Variants in OR10H5 observed in about 807,000 individuals in gnomAD.
OR10H5 encodes olfactory receptor family 10 subfamily H member 5.
Under a neutral mutation model 12.2 loss-of-function variants are expected in OR10H5, and 7 were observed. The ratio of observed to expected loss-of-function variants is 0.57; its 90% confidence interval spans 0.33 to 1.07. The LOEUF is 1.07. OR10H5 is among the 50% of genes least tolerant of loss of function. The pLI is 0.04. For missense variants in OR10H5, 346 were observed against 411.6 expected (o/e 0.84, Z 1.38); for synonymous variants, 159 against 175.1 (o/e 0.91, Z 0.73).
intron 1 of OR10H5, among the ~76,000 whole-genome samples, chr19:15,788,561 C>T (rs137898194): frequency 4.6e-5 from 7 of 152,200 alleles, no homozygotes; most frequent in South Asian, 2.1e-4. Context: ...TGCAGTGGCA[C>T]GATCACAGCT....
chr19:15,792,024 C>T (rs2088811745), intron 1 of OR10H5, among the ~76,000 whole-genome samples: 1 of 19,850 alleles, frequency 5.0e-5, no homozygotes, highest in African/African-American at 1.7e-4. Context: ...GACACTTGGT[C>T]TCAAAAAAAA....
intron 1 of OR10H5, among the ~76,000 whole-genome samples, chr19:15,791,971 G>A (rs2088811500): frequency 6.6e-6 from 1 of 151,716 alleles, no homozygotes; most frequent in Admixed American, 6.6e-5. Context: ...GGGATTACAG[G>A]TGCATGAATT....
At chr19:15,789,594 C>T (rs566542394) in intron 1 of OR10H5, among the ~76,000 whole-genome samples, 1 of 152,156 alleles carries the variant, frequency 6.6e-6, no homozygotes, top group East Asian at 1.9e-4. Context: ...TGGGGTTCTG[C>T]CTGGGAGCCC....
At position 15,795,070 on chromosome 19, in the gene OR10H5, C is replaced by G. The variant is rs927617344; in HGVS notation, c.*74C>G. 2 of 1,254,020 alleles carry G rather than the reference C, an allele frequency of 1.6e-6. No individual in the cohort carries two copies. The highest frequency in any genetic ancestry group is 1.5e-5 in the South Asian group (1 of 68,486). The allele number at this position is 1,254,020 out of a possible 1,614,324, so 77.7% of individuals were successfully genotyped here. On this transcript the variant is annotated 3_prime_UTR_variant, in exon 2 of 2. Coordinates refer to ENST00000642092, the MANE Select transcript of OR10H5 (RefSeq NM_001004466.2). ...CTTCCTCCTTTATTTCTTTTCCTTT[C>G]CTCCCTCCCTCCTTTCCTCCCTCCC...
In OR10H5 at chr19:15,798,264, TG is replaced by T. The variant is rs1485506431; in HGVS notation, c.*3273del. 1 of 152,094 alleles carries T rather than the reference TG, an allele frequency of 6.6e-6. No individual in the cohort carries two copies. Among genetic ancestry groups the T allele is most frequent in the Admixed American group, 6.6e-5 (1 of 15,236 alleles). 9.4% of individuals were successfully genotyped at this position (152,094 alleles called of 1,614,324 possible). On this transcript the variant is annotated 3_prime_UTR_variant, in exon 2 of 2. Coordinates refer to ENST00000642092, the MANE Select transcript of OR10H5 (RefSeq NM_001004466.2). ...AAGTTCAGTGAGAACACAGCAGGTCTGGGGGTGTCAACTCTCCATGCCCCAG... is the reference window on the plus strand; with the variant it reads ...AAGTTCAGTGAGAACACAGCAGGTCTGGGGTGTCAACTCTCCATGCCCCAG...
chr19:15,790,572 G>A (rs1179011345), intron 1 of OR10H5, among the ~76,000 whole-genome samples: 2 of 152,094 alleles, frequency 1.3e-5, no homozygotes, highest in Non-Finnish European at 2.9e-5. Context: ...GGTAAGCACC[G>A]TGGGCTGAGA....
At chr19:15,790,403 C>T (rs941050832) in intron 1 of OR10H5, among the ~76,000 whole-genome samples, 2 of 152,164 alleles carry the variant, frequency 1.3e-5, no homozygotes, top group South Asian at 2.1e-4. Context: ...CTTGGCATCC[C>T]GTCGCCCAGG....
Position 15,794,285 on chromosome 19 carries a change from G to A in OR10H5, c.237G>A (p.Pro79=), listed in dbSNP as rs137883397. The change falls in exon 2 of 2, where the codon CCG becomes CCA. Residue 79 remains proline, a synonymous_variant. Transcript: ENST00000642092. Reference sequence around the variant, plus strand: ...TCCTCTACACCGTGGCCATCATCCCGCGCATGCTGGCCGACCTGCTGTCCA... The same window carrying A: ...TCCTCTACACCGTGGCCATCATCCCACGCATGCTGGCCGACCTGCTGTCCA... ...TEILYTVAII[P]RMLADLLSTQ... 285 of 1,612,000 alleles carry A rather than the reference G, an allele frequency of 1.8e-4. 1 individual carries two copies. Among genetic ancestry groups the A allele is most frequent in the Non-Finnish European group, 2.2e-4 (265 of 1,179,348 alleles).
At chr19:15,793,984 A>G in intron 1 of OR10H5, 54 bp from the exon 2 acceptor site, 7 of 1,476,930 alleles carry the variant, frequency 4.7e-6, no homozygotes, top group African/African-American at 1.4e-5. Flanking sequence ...GGGAGTCACT[A>G]GACACCCCTG....
chr19:15,794,911 C>G lies in OR10H5; in HGVS notation c.863C>G (p.Pro288Arg). 6.2e-7 allele frequency: 1 copy of G among 1,614,156 alleles called. No homozygotes were observed. Among genetic ancestry groups the G allele is most frequent in the Non-Finnish European group, 8.5e-7 (1 of 1,180,036 alleles). ...ACGGTCCTCACACCCTTCCTCAGCC[C>G]CATCATCTTCAGCCTCAGGAACAAG... ...TYTVLTPFLSPIIFSLRNKEL... is the reference protein window; with the variant it reads ...TYTVLTPFLSRIIFSLRNKEL... Residue 288 changes from proline to arginine, a missense_variant, in exon 2 of 2, where the codon CCC becomes CGC. Pro to Arg is a moderately radical substitution (Grantham distance 103, BLOSUM62 -2). Transcript: ENST00000642092.
chr19:15,792,026 CA>C (rs11329523), intron 1 of OR10H5, among the ~76,000 whole-genome samples: 133,790 of 147,620 alleles, frequency 0.91, 60,752 homozygotes, highest in East Asian at 0.99. Context: ...CACTTGGTCT[CA>C]AAAAAAAAAA....
intron 1 of OR10H5, among the ~76,000 whole-genome samples, chr19:15,789,759 T>G (rs2088800467): frequency 6.7e-6 from 1 of 149,118 alleles, no homozygotes; most frequent in Middle Eastern, 3.2e-3. Flanking sequence ...TTTCTGTATT[T>G]CTCTTTTCTT....
chr19:15,791,014 A>T (rs2088807060), intron 1 of OR10H5, among the ~76,000 whole-genome samples: 1 of 152,180 alleles, frequency 6.6e-6, no homozygotes, highest in Non-Finnish European at 1.5e-5. Context: ...GGGTAGGCAG[A>T]AGGGAGAGAT....
In OR10H5 at chr19:15,794,796, G is replaced by A. The variant is rs540356218; in HGVS notation, c.748G>A (p.Val250Ile). Reference protein sequence around the residue: ...STCASHLTVVVVHYGFASVIY... With the variant: ...STCASHLTVVIVHYGFASVIY... ...CTGTGCCTCTCACCTCACTGTGGTG[G>A]TCGTGCACTATGGCTTTGCCTCCGT... The change falls in exon 2 of 2, where the codon GTC becomes ATC. Residue 250 changes from valine (V) to isoleucine (I), a missense_variant. Val to Ile is a conservative substitution (Grantham distance 29). Coordinates refer to ENST00000642092, the MANE Select transcript of OR10H5 (RefSeq NM_001004466.2). The A allele has an allele frequency of 3.1e-6, 5 of 1,614,114 alleles. No individual in the cohort carries two copies. The highest frequency in any genetic ancestry group is 2.2e-5 in the South Asian group (2 of 91,072).
Position 15,795,139 on chromosome 19 carries a change from CT to C in OR10H5, c.*144del. 1 of 713,866 alleles carries C rather than the reference CT, an allele frequency of 1.4e-6. No homozygotes were observed. The highest frequency in any genetic ancestry group is 3.5e-4 in the Middle Eastern group (1 of 2,850). 44.2% of individuals were successfully genotyped at this position (713,866 alleles called of 1,614,324 possible). A position where few individuals can be genotyped will look rare whatever the true frequency, so the allele number is the denominator to read the frequency against. ...CCTTCCTCCCTCCCTCCTTTCCTCC[CT>C]CCTTCTCTGACCTACAGTCCACCCT... On this transcript the variant is annotated 3_prime_UTR_variant, in exon 2 of 2. Coordinates refer to ENST00000642092, the MANE Select transcript of OR10H5 (RefSeq NM_001004466.2).
At position 15,798,276 on chromosome 19, in the gene OR10H5, C is replaced by T. The variant is rs2088850955; in HGVS notation, c.*3280C>T. The T allele has an allele frequency of 6.6e-6, 1 of 152,078 alleles. No individual in the cohort carries two copies. The highest frequency in any genetic ancestry group is 6.6e-5 in the Admixed American group (1 of 15,238). The allele number at this position is 152,078 out of a possible 1,614,324, so 9.4% of individuals were successfully genotyped here. On this transcript the variant is annotated 3_prime_UTR_variant, in exon 2 of 2. Coordinates refer to ENST00000642092, the MANE Select transcript of OR10H5 (RefSeq NM_001004466.2). ...AACACAGCAGGTCTGGGGGTGTCAACTCTCCATGCCCCAGGTGTGGAAACA... is the reference window on the plus strand; with the variant it reads ...AACACAGCAGGTCTGGGGGTGTCAATTCTCCATGCCCCAGGTGTGGAAACA...
chr19:15,795,339 T>C lies in OR10H5; in HGVS notation c.*343T>C. 4.0e-6 allele frequency: 1 copy of C among 250,990 alleles called. No homozygotes were observed. Among genetic ancestry groups the C allele is most frequent in the Non-Finnish European group, 7.7e-6 (1 of 130,168 alleles). The allele number at this position is 250,990 out of a possible 1,614,324, so 15.5% of individuals were successfully genotyped here. ...TGTTCTTTTGTTTTTGTTTTTGTTT[T>C]TGTTTTGACTGAGTCTCGTTCTGTC... On this transcript the variant is annotated 3_prime_UTR_variant, in exon 2 of 2. Coordinates refer to ENST00000642092, the MANE Select transcript of OR10H5 (RefSeq NM_001004466.2).
At position 15,799,894 on chromosome 19, in the gene OR10H5, G is replaced by C. The variant is rs1207762097; in HGVS notation, c.*4898G>C. On this transcript the variant is annotated 3_prime_UTR_variant, in exon 2 of 2. Transcript: ENST00000642092. ...TTTTTTTGTGTTTTTAGTACAGACA[G>C]GGTTTCGCCATGTTGCCCAGGATGG... The C allele has an allele frequency of 6.6e-6, 1 of 151,970 alleles. No homozygotes were observed. The highest frequency in any genetic ancestry group is 6.6e-5 in the Admixed American group (1 of 15,258). The allele number at this position is 151,970 out of a possible 1,614,324, so 9.4% of individuals were successfully genotyped here. A position where few individuals can be genotyped will look rare whatever the true frequency, so the allele number is the denominator to read the frequency against.
In OR10H5 at chr19:15,798,751, CTTTTTTTTTTTTTTT is replaced by C. The variant is rs60535843; in HGVS notation, c.*3764_*3778del. 1.4e-5 allele frequency: 1 copy of C among 70,944 alleles called. No homozygotes were observed. The highest frequency in any genetic ancestry group is 6.7e-5 in the African/African-American group (1 of 14,868). The allele number at this position is 70,944 out of a possible 1,614,324, so 4.4% of individuals were successfully genotyped here. On this transcript the variant is annotated 3_prime_UTR_variant, in exon 2 of 2. Coordinates refer to ENST00000642092, the MANE Select transcript of OR10H5 (RefSeq NM_001004466.2). ...CTGTCTGCCAAGCAGCTAGAAGGAG[CTTTTTTTTTTTTTTT>C]TTTTTTTTGAGATGGAATCTAGCTC... is the stretch of plus-strand genomic sequence containing the variant.
Sources: gnomAD v4.1 joint callset for allele counts (sites outside exome capture counted in the v4.1 genomes callset) on GRCh38, gnomAD v4.1.1 for gene constraint, MANE v1.5 for transcripts, NCBI Gene and HGNC (gene_info 2026-07-23, HGNC 2026-07-21) for gene names.